Variants in DPP4 observed in about 807,000 individuals in gnomAD.
DPP4 encodes dipeptidyl peptidase 4.
A neutral mutation model predicts 122.4 loss-of-function variants in DPP4; 93 were observed. That is an observed-to-expected ratio of 0.76 (90% CI 0.64 to 0.90). DPP4 has a LOEUF of 0.90. Among genes scored for constraint, DPP4 ranks in the 40% least tolerant of loss-of-function variants. The pLI, the probability that DPP4 is intolerant of heterozygous loss-of-function variation, is 0.00. For synonymous variants in DPP4, 321 were observed against 302.9 expected (o/e 1.06, Z -0.62); for missense variants, 914 against 907.3 (o/e 1.01, Z -0.09).
chr2:162,059,371 C>T (rs1684683806), intron 2 of DPP4, among the ~76,000 whole-genome samples: 1 of 152,184 alleles, frequency 6.6e-6, no homozygotes, highest in Non-Finnish European at 1.5e-5. Context: ...ATGAAATTGA[C>T]TGGCATTAGG....
chr2:162,022,097 G>T (rs1683153454), intron 12 of DPP4, among the ~76,000 whole-genome samples: 2 of 152,108 alleles, frequency 1.3e-5, no homozygotes, highest in Admixed American at 6.5e-5. Flanking sequence ...ACCATGCAAG[G>T]TGACATGATG....
chr2:162,029,738 C>T (rs1683475425), intron 10 of DPP4, among the ~76,000 whole-genome samples: 1 of 152,088 alleles, frequency 6.6e-6, no homozygotes, highest in African/African-American at 2.4e-5. Context: ...TGTGATGAGC[C>T]CCAGAGCCAT....
intron 14 of DPP4, among the ~76,000 whole-genome samples, chr2:162,019,596 C>A (rs997344559): frequency 6.6e-6 from 1 of 151,868 alleles, no homozygotes; most frequent in Non-Finnish European, 1.5e-5. Context: ...GAAATTGAGA[C>A]CCCACTCATT....
chr2:162,021,721 G>C (rs370257491), intron 12 of DPP4: 9 of 152,196 alleles, frequency 5.9e-5, no homozygotes, highest in African/African-American at 2.2e-4. Flanking sequence ...GTTTCCCCTG[G>C]ATGGAGTTGT....
rs1030105527 is a variant in DPP4 at position 162,049,382 on chromosome 2, A to C, written c.95-1881T>G. Among the ~76,000 whole-genome samples the C allele has an allele frequency of 8.5e-5, 13 of 152,298 alleles. No homozygotes were observed. The East Asian group carries it at 2.5e-3, about 29-fold the overall frequency. On this transcript the variant is annotated intron_variant, in intron 2 of 25. Coordinates refer to ENST00000360534, the MANE Select transcript of DPP4 (RefSeq NM_001935.4). ...CTCAGCAAAGTAATGCAGGAACAGA[A>C]AACCAAATGCCACATATTCTCACTT...
chr2:162,029,457 A>G (rs1683462690), intron 10 of DPP4, among the ~76,000 whole-genome samples: 1 of 152,148 alleles, frequency 6.6e-6, no homozygotes, highest in South Asian at 2.1e-4. Context: ...TTCGCTGACA[A>G]ATCCCTCAGG....
intron 2 of DPP4, among the ~76,000 whole-genome samples, chr2:162,071,206 C>T (rs1291143894): frequency 6.6e-6 from 1 of 152,164 alleles, no homozygotes; most frequent in African/African-American, 2.4e-5. Context: ...CCTCTGGGGC[C>T]CTGGATCCTT....
At chr2:162,047,279 A>G in intron 3 of DPP4, 124 bp downstream of exon 3, 1 of 557,448 alleles carries the variant, frequency 1.8e-6, no homozygotes, top group Non-Finnish European at 3.0e-6. Flanking sequence ...AAAAGAAAAA[A>G]AAAACTCTCT....
chr2:162,074,156 C>A lies in DPP4; in HGVS notation c.-175G>T. 1 of 1,316,568 alleles carries A rather than the reference C, an allele frequency of 7.6e-7. No individual in the cohort carries two copies. The highest frequency in any genetic ancestry group is 9.7e-7 in the Non-Finnish European group (1 of 1,034,048). The allele number at this position is 1,316,568 out of a possible 1,614,324, so 81.6% of individuals were successfully genotyped here. On this transcript the variant is annotated 5_prime_UTR_variant, in exon 1 of 26. Transcript: ENST00000360534. Reference sequence around the variant, plus strand: ...GCGCCGAGCCCGCTGGGTATAAAGGCGCCGCGGGCAGGCTGCAGGGCAGGC... The same window carrying A: ...GCGCCGAGCCCGCTGGGTATAAAGGAGCCGCGGGCAGGCTGCAGGGCAGGC...
Position 162,074,036 on chromosome 2 carries a change from C to T in DPP4, c.-55G>A. The T allele has an allele frequency of 6.3e-7, 1 of 1,595,698 alleles. No homozygotes were observed. The highest frequency in any genetic ancestry group is 1.1e-5 in the South Asian group (1 of 87,924). ...AGAGAAGGAGCGCAGGCAGAAGTCA[C>T]CGCGGGCGGCGGAGACGCGCGTCCT... On this transcript the variant is annotated 5_prime_UTR_variant, in exon 1 of 26. In the 5' UTR this introduces an upstream ATG that the reference lacks. Transcript: ENST00000360534.
intron 9 of DPP4, among the ~76,000 whole-genome samples, chr2:162,034,346 T>C (rs1024342745): frequency 6.6e-6 from 1 of 152,220 alleles, no homozygotes; most frequent in Non-Finnish European, 1.5e-5. Flanking sequence ...AAAAATAACA[T>C]TCCACTGAAA....
At chr2:162,024,310 C>A (rs1343431627) in intron 11 of DPP4, among the ~76,000 whole-genome samples, 1 of 152,228 alleles carries the variant, frequency 6.6e-6, no homozygotes, top group African/African-American at 2.4e-5. Flanking sequence ...AGGATTGCCA[C>A]CCTCTCAGAC....
chr2:162,020,303 G>T lies in DPP4; in HGVS notation c.1177-7C>A, dbSNP rs199965664. 9.6e-4 allele frequency: 1,142 copies of T among 1,191,084 alleles called. 6 individuals carry two copies. Among genetic ancestry groups the T allele is most frequent in the Admixed American group, 1.5e-3 (48 of 31,232 alleles). The allele number at this position is 1,191,084 out of a possible 1,614,324, so 73.8% of individuals were successfully genotyped here. A position where few individuals can be genotyped will look rare whatever the true frequency, so the allele number is the denominator to read the frequency against. Reference sequence around the variant, plus strand: ...TTGTAATAAATGTGCAGTCCTGATGGTTTTTTTTTTTTTTCAAAAAAAAAA... The same window carrying T: ...TTGTAATAAATGTGCAGTCCTGATGTTTTTTTTTTTTTTTCAAAAAAAAAA... On this transcript the variant is annotated splice_polypyrimidine_tract_variant and splice_region_variant and intron_variant, in intron 13 of 25. Transcript: ENST00000360534.
chr2:162,022,829 T>G, intron 11 of DPP4, 30 bp from the exon 12 acceptor site: 1 of 1,612,526 alleles, frequency 6.2e-7, no homozygotes, highest in Non-Finnish European at 8.5e-7. Flanking sequence ...ATGACAGCAT[T>G]TCAAAGAGAA....
chr2:162,040,319 C>G (rs1342547000), intron 5 of DPP4, among the ~76,000 whole-genome samples: 1 of 152,078 alleles, frequency 6.6e-6, no homozygotes, highest in Non-Finnish European at 1.5e-5. Context: ...TGTCATTCAA[C>G]AGGTGAGTGG....
chr2:162,071,856 T>A (rs2300754), intron 2 of DPP4, among the ~76,000 whole-genome samples: 2,651 of 152,330 alleles, frequency 0.017, 39 homozygotes, highest in South Asian at 0.038. Flanking sequence ...TCCCTAGGCC[T>A]TTTCACTGGC....
intron 2 of DPP4, among the ~76,000 whole-genome samples, chr2:162,053,947 A>G (rs926039433): frequency 1.3e-5 from 2 of 152,168 alleles, no homozygotes; most frequent in Admixed American, 1.3e-4. Context: ...ACCAGCATGC[A>G]ATGTCAGCCG....
At chr2:162,073,173 A>G (rs1685176839) in intron 2 of DPP4, 2 of 447,974 alleles carry the variant, frequency 4.5e-6, no homozygotes, top group African/African-American at 1.9e-5. Context: ...TATTATACAT[A>G]ACAAGACGTG....
At chr2:162,044,176 A>T (rs1478590183) in intron 5 of DPP4, among the ~76,000 whole-genome samples, 1 of 152,248 alleles carries the variant, frequency 6.6e-6, no homozygotes, top group Non-Finnish European at 1.5e-5. Flanking sequence ...AGAAGCACTT[A>T]ATTAAACAAA....
Sources: gnomAD v4.1 joint callset for allele counts (sites outside exome capture counted in the v4.1 genomes callset) on GRCh38, gnomAD v4.1.1 for gene constraint, MANE v1.5 for transcripts, NCBI Gene and HGNC (gene_info 2026-07-23, HGNC 2026-07-21) for gene names.